The following PPM1F variants were observed in gnomAD, a reference collection of about 807,000 sequenced individuals.
The protein encoded by PPM1F is protein phosphatase 1F.
PPM1F carries 17 observed loss-of-function variants against 35.5 expected under a neutral mutation model. The observed-to-expected ratio is 0.48, with a 90% CI of 0.33 to 0.72. The LOEUF is 0.72. Ranked by LOEUF, PPM1F falls within the 30% of genes least tolerant of loss-of-function variation. The pLI, the probability that PPM1F is intolerant of heterozygous loss-of-function variation, is 0.02. For missense variants in PPM1F, 521 were observed against 613.0 expected (o/e 0.85, Z 1.59); for synonymous variants, 241 against 255.5 (o/e 0.94, Z 0.54).
intron 4 of PPM1F, among the ~76,000 whole-genome samples, 168 bp downstream of exon 4, chr22:21,933,856 C>G (rs2070625091): frequency 1.3e-5 from 2 of 152,204 alleles, no homozygotes; most frequent in Non-Finnish European, 2.9e-5. Flanking sequence ...TCCCTCATAA[C>G]AGACTCACAC....
intron 7 of PPM1F, chr22:21,925,175 G>T (rs576358341): frequency 3.2e-6 from 1 of 316,452 alleles, no homozygotes; most frequent in African/African-American, 2.1e-5. Flanking sequence ...GATTACAGGC[G>T]TGAGCCACCG....
At chr22:21,949,146 TGTG>T (rs538130680) in intron 1 of PPM1F, 22 of 152,480 alleles carry the variant, frequency 1.4e-4, no homozygotes, top group African/African-American at 4.8e-4. Context: ...GGTGTGATGA[TGTG>T]TGTGTGTGAA....
intron 5 of PPM1F, 51 bp downstream of exon 5, chr22:21,933,340 G>A: frequency 6.5e-7 from 1 of 1,529,104 alleles, no homozygotes; most frequent in Non-Finnish European, 8.9e-7. Flanking sequence ...CAGAGGCTGG[G>A]ACTCTCACTG....
chr22:21,938,183 C>T (rs1443352780), intron 3 of PPM1F: 3 of 1,303,344 alleles, frequency 2.3e-6, no homozygotes, highest in South Asian at 2.5e-5. Context: ...CTGGTGCCGG[C>T]GCAGCAACGC....
intron 3 of PPM1F, chr22:21,938,059 A>T: frequency 1.6e-6 from 2 of 1,248,252 alleles, no homozygotes; most frequent in Non-Finnish European, 2.1e-6. Context: ...GCCGCTAGGC[A>T]GGCCTGCATG....
chr22:21,927,825 G>A (rs1169415264), intron 6 of PPM1F, among the ~76,000 whole-genome samples: 2 of 151,848 alleles, frequency 1.3e-5, no homozygotes, highest in South Asian at 2.1e-4. Flanking sequence ...TCCCACCTCC[G>A]TCACACACTG....
At chr22:21,951,721 T>C (rs2070840914) in intron 1 of PPM1F, 1 of 152,166 alleles carries the variant, frequency 6.6e-6, no homozygotes, top group African/African-American at 2.4e-5. Context: ...TGCATTCGTT[T>C]TGTTTACCTC....
rs1039190077 is a variant in PPM1F at position 21,919,506 on chromosome 22, A to G, written c.*3586T>C. The stretch of plus-strand genomic sequence containing the variant: ...TTCTGGCATCTTGGGACTTGTCCCT[A>G]AGAATAGGGAAGACAGTCATCCTGT... On this transcript the variant is annotated 3_prime_UTR_variant, in exon 8 of 8. Transcript: ENST00000263212. The G allele has an allele frequency of 7.9e-5, 12 of 152,596 alleles. 1 individual carries two copies. Among genetic ancestry groups the G allele is most frequent in the Admixed American group, 2.0e-4 (3 of 15,286 alleles). 9.5% of individuals were successfully genotyped at this position (152,596 alleles called of 1,614,324 possible).
chr22:21,932,101 A>C (rs914137382), intron 5 of PPM1F, among the ~76,000 whole-genome samples: 59 of 151,912 alleles, frequency 3.9e-4, no homozygotes, highest in African/African-American at 1.4e-3. Context: ...TACAGGCATG[A>C]GCCACCGCGC....
chr22:21,950,580 C>T (rs985459901), intron 1 of PPM1F: 4 of 151,984 alleles, frequency 2.6e-5, no homozygotes, highest in Admixed American at 2.0e-4. Flanking sequence ...GGAACTGCAC[C>T]ACTATAGTGT....
intron 7 of PPM1F, 66 bp downstream of exon 7, chr22:21,925,503 G>A: frequency 7.0e-7 from 1 of 1,430,824 alleles, no homozygotes; most frequent in Admixed American, 1.8e-5. Flanking sequence ...TGAGCCGCGG[G>A]CCACACTCGA....
chr22:21,929,443 G>A (rs1428537505), intron 6 of PPM1F, among the ~76,000 whole-genome samples: 3 of 152,160 alleles, frequency 2.0e-5, no homozygotes, highest in South Asian at 2.1e-4. Context: ...CGGTGGAGCC[G>A]GGACCAGGCA....
rs368878486 is a variant in PPM1F, at chr22:21,934,011, C to T, written c.558+13G>A. ...TCCGAAGCTGTCCCCAGGGTCTGGACGGGAGCACTCACAGACAAGCCGAAG... is the reference window on the plus strand; with the variant it reads ...TCCGAAGCTGTCCCCAGGGTCTGGATGGGAGCACTCACAGACAAGCCGAAG... On this transcript the variant is annotated intron_variant, in intron 4 of 7. Transcript: ENST00000263212. The T allele has an allele frequency of 1.4e-3, 2,141 of 1,542,216 alleles. 6 individuals are homozygous for T. The highest frequency in any genetic ancestry group is 1.3e-3 in the Non-Finnish European group (1,522 of 1,140,446).
chr22:21,931,366 C>A, intron 5 of PPM1F, 75 bp from the exon 6 acceptor site: 1 of 1,417,836 alleles, frequency 7.1e-7, no homozygotes, highest in Non-Finnish European at 9.6e-7. Flanking sequence ...CAGGATGAAG[C>A]TTCCGGGGGT....
At position 21,931,021 on chromosome 22, in the gene PPM1F, G is replaced by A. The variant is rs899405498; in HGVS notation, c.891+127C>T. 5.6e-5 allele frequency: 81 copies of A among 1,449,432 alleles called. No homozygotes were observed. In the Admixed American group the frequency reaches 1.9e-3, roughly 34 times the overall value. The allele number at this position is 1,449,432 out of a possible 1,614,324, so 89.8% of individuals were successfully genotyped here. ...CCCGGCCACTCAAATCAGGCAGGGA[G>A]CCCTCCCTCTTGAAAGGTGCCAGGA... On this transcript the variant is annotated intron_variant, in intron 6 of 7. Transcript: ENST00000263212.
In PPM1F at chr22:21,933,831, C is replaced by T. The variant is rs540228438; in HGVS notation, c.558+193G>A. On this transcript the variant is annotated intron_variant, in intron 4 of 7. Coordinates refer to ENST00000263212, the MANE Select transcript of PPM1F (RefSeq NM_014634.4). ...GCTCCTGGTGCAGGAGTCAGGGGAA[C>T]GTGGCATCCAGGCCTCCCTCATAAC... Among the ~76,000 whole-genome samples the T allele has an allele frequency of 9.3e-4, 141 of 152,310 alleles. No homozygotes were observed. In the Middle Eastern group the frequency reaches 0.01, roughly 11 times the overall value.
rs1421720159 is a variant in PPM1F, at chr22:21,939,590, G to A, written c.297C>T (p.Pro99=). ...QTDLSEFRKL[P]REEEEEEEDD... is the part of the protein sequence containing the mutation. ...CCTCCTCCTCTTCTTCTTCCTCCCT[G>A]GGCAACTTCCTGAATTCGGAAAGGT... The change falls in exon 3 of 8, where the codon CCC becomes CCT. Residue 99 remains proline, a synonymous_variant. Coordinates refer to ENST00000263212, the MANE Select transcript of PPM1F (RefSeq NM_014634.4). This position sits in a 1 kb window ranked among gnomAD's most constrained non-coding sequence, Gnocchi z 5.1. 4 of 1,569,858 alleles carry A rather than the reference G, an allele frequency of 2.5e-6. No homozygotes were observed. The highest frequency in any genetic ancestry group is 3.5e-6 in the Non-Finnish European group (4 of 1,156,082).
chr22:21,943,235 C>T (rs113875064), intron 2 of PPM1F: 3 of 152,262 alleles, frequency 2.0e-5, no homozygotes, highest in East Asian at 3.9e-4. Context: ...AGGTGGAACT[C>T]GTGACTGTGT....
At chr22:21,944,413 A>ACAACTCTGCCCCTTG (rs2070757115) in intron 2 of PPM1F, 1 of 152,238 alleles carries the variant, frequency 6.6e-6, no homozygotes. Context: ...GGTGTCAGGA[A>ACAACTCTGCCCCTTG]CAGAGTTGAT....
Sources: gnomAD v4.1 joint callset for allele counts (sites outside exome capture counted in the v4.1 genomes callset) on GRCh38, gnomAD v4.1.1 for gene constraint, Gnocchi (gnomAD v3.1) non-coding constraint, MANE v1.5 for transcripts, NCBI Gene and HGNC (gene_info 2026-07-23, HGNC 2026-07-21) for gene names.